Variants in B4GALNT3 observed in about 807,000 individuals in gnomAD.
B4GALNT3 encodes beta-1,4-N-acetylgalactosaminyltransferase 3.
B4GALNT3 carries 86 observed loss-of-function variants against 120.2 expected under a neutral mutation model. The observed-to-expected ratio is 0.72, with a 90% CI of 0.60 to 0.86. The LOEUF (loss-of-function observed/expected upper bound fraction) is 0.86, where lower values mean the gene tolerates loss of function less well. Ranked by LOEUF, B4GALNT3 falls within the 40% of genes least tolerant of loss-of-function variation. The pLI is 0.00. For missense variants in B4GALNT3, 1,167 were observed against 1,298.9 expected (o/e 0.90, Z 1.56); for synonymous variants, 518 against 510.4 (o/e 1.01, Z -0.20).
In B4GALNT3 at chr12:563,455, G is replaced by A. The variant is rs1947252556; in HGVS notation, c.*2004G>A. On this transcript the variant is annotated 3_prime_UTR_variant, in exon 20 of 20. Transcript: ENST00000266383. ...AGAAATGTCTTGGGTAGGAGAGGGT[G>A]TGGGATGGTGGGAGGGGAAGCATTA... The A allele has an allele frequency of 6.6e-6, 1 of 152,248 alleles. No homozygotes were observed. Among genetic ancestry groups the A allele is most frequent in the African/African-American group, 2.4e-5 (1 of 41,456 alleles). The allele number at this position is 152,248 out of a possible 1,614,324, so 9.4% of individuals were successfully genotyped here.
intron 1 of B4GALNT3, among the ~76,000 whole-genome samples, chr12:484,604 G>T (rs1946272920): frequency 6.6e-6 from 1 of 152,134 alleles, no homozygotes; most frequent in Non-Finnish European, 1.5e-5. Flanking sequence ...AGAGCCTCAG[G>T]TGTACACTTT....
rs1304424956 is a variant in B4GALNT3 at position 550,767 on chromosome 12, G to A, written c.998-155G>A. On this transcript the variant is annotated intron_variant, in intron 10 of 19. Coordinates refer to ENST00000266383, the MANE Select transcript of B4GALNT3 (RefSeq NM_173593.4). This position sits in a 1 kb window ranked among gnomAD's most constrained non-coding sequence, Gnocchi z 4.1. ...CCTCAAATGGCCCTGCTCCAGGTGC[G>A]TGGGGCAGCCTCCAGCTGGCAGCCT... Among the ~76,000 whole-genome samples, 3 of 152,150 alleles carry A rather than the reference G, an allele frequency of 2.0e-5. No individual in the cohort carries two copies. The highest frequency in any genetic ancestry group is 1.9e-4 in the East Asian group (1 of 5,184).
intron 3 of B4GALNT3, chr12:543,040 C>G: frequency 8.5e-7 from 1 of 1,176,568 alleles, no homozygotes. Context: ...CTCCTAGTTC[C>G]CTGTCCTCTC....
At chr12:551,810 G>A (rs1301801597) in intron 11 of B4GALNT3, among the ~76,000 whole-genome samples, 4 of 152,098 alleles carry the variant, frequency 2.6e-5, no homozygotes, top group East Asian at 1.9e-4. Context: ...GAGGGGAGAT[G>A]TGGACCAGGG....
rs200361013 is a variant in B4GALNT3, at chr12:548,123, G to A, written c.786+21G>A. 1.1e-4 allele frequency: 175 copies of A among 1,612,312 alleles called. No homozygotes were observed. In the African/African-American group the frequency reaches 1.7e-3, roughly 15 times the overall value. On this transcript the variant is annotated intron_variant, in intron 8 of 19. Coordinates refer to ENST00000266383, the MANE Select transcript of B4GALNT3 (RefSeq NM_173593.4). This position sits in a 1 kb window ranked among gnomAD's most constrained non-coding sequence, Gnocchi z 4.9. ...TTGCAGTGAGTTTCCTGCTGCTCCC[G>A]CCTCTCCCAGCTCAGTTCCTGGCAC...
At chr12:511,297 TCCAC>T (rs773983198) in intron 1 of B4GALNT3, among the ~76,000 whole-genome samples, 1 of 60,518 alleles carries the variant, frequency 1.7e-5, no homozygotes, top group Non-Finnish European at 2.9e-5. Context: ...CCTTCGACCT[TCCAC>T]CTTCCACCTT....
intron 3 of B4GALNT3, 87 bp downstream of exon 3, chr12:536,382 A>G: frequency 2.7e-6 from 3 of 1,105,428 alleles, no homozygotes; most frequent in Non-Finnish European, 4.1e-6. Flanking sequence ...AAAACTTTCT[A>G]CTAGGGACCT....
intron 1 of B4GALNT3, among the ~76,000 whole-genome samples, chr12:494,109 A>G (rs1946368158): frequency 6.6e-6 from 1 of 152,010 alleles, no homozygotes; most frequent in South Asian, 2.1e-4. Flanking sequence ...ATCTCTACAA[A>G]AAATACAAAA....
intron 6 of B4GALNT3, among the ~76,000 whole-genome samples, chr12:545,970 A>G (rs1220447644): frequency 2.5e-5 from 1 of 40,440 alleles, no homozygotes; most frequent in Non-Finnish European, 4.6e-5. Flanking sequence ...TGGGGAGGTG[A>G]GAGGAGTGGG....
chr12:462,977 G>A (rs1368081870), intron 1 of B4GALNT3, among the ~76,000 whole-genome samples: 3 of 152,128 alleles, frequency 2.0e-5, no homozygotes. Flanking sequence ...CCACACTCTT[G>A]GATACCAACA....
chr12:541,150 G>A (rs1170955887), intron 3 of B4GALNT3, among the ~76,000 whole-genome samples: 1 of 152,260 alleles, frequency 6.6e-6, no homozygotes, highest in African/African-American at 2.4e-5. Flanking sequence ...AGATCCAGTT[G>A]GAGGCTCTGC....
chr12:465,566 G>A (rs1484767789), intron 1 of B4GALNT3, among the ~76,000 whole-genome samples: 3 of 151,664 alleles, frequency 2.0e-5, no homozygotes, highest in African/African-American at 7.3e-5. Flanking sequence ...TTGCCTATAC[G>A]AGGAATGCAG....
intron 1 of B4GALNT3, among the ~76,000 whole-genome samples, chr12:485,111 G>A (rs972680815): frequency 1.9e-4 from 29 of 152,184 alleles, no homozygotes; most frequent in African/African-American, 5.8e-4. Flanking sequence ...GGAGGAAGAC[G>A]TGGTGTTGGA....
At chr12:554,079 C>T (rs1289137538) in intron 14 of B4GALNT3, 96 bp downstream of exon 14, 3 of 838,440 alleles carry the variant, frequency 3.6e-6, no homozygotes, top group African/African-American at 1.7e-5. Flanking sequence ...TGGGTTCCCC[C>T]AGCCGCGGAA....
At chr12:514,596 G>A (rs1045289584) in intron 1 of B4GALNT3, among the ~76,000 whole-genome samples, 1 of 152,186 alleles carries the variant, frequency 6.6e-6, no homozygotes, top group Non-Finnish European at 1.5e-5. Context: ...ATGGTGGGGA[G>A]GCAGAGAAGG....
Position 556,679 on chromosome 12 carries a change from A to G in B4GALNT3, c.2193A>G (p.Ala731=), listed in dbSNP as rs1304814912. The part of the protein sequence containing the change: ...RVVRLSEYVS[A]RGWQGIDPAG... ...TGCGGCTCTCGGAGTATGTGTCTGCACGAGGCTGGCAGGGCATCGATCCAG... is the reference window on the plus strand; with the variant it reads ...TGCGGCTCTCGGAGTATGTGTCTGCGCGAGGCTGGCAGGGCATCGATCCAG... The change falls in exon 15 of 20, where the codon GCA becomes GCG. Residue 731 remains alanine (A), a synonymous_variant. Coordinates refer to ENST00000266383, the MANE Select transcript of B4GALNT3 (RefSeq NM_173593.4). 5 of 1,613,998 alleles carry G rather than the reference A, an allele frequency of 3.1e-6. No homozygotes were observed. Among genetic ancestry groups the G allele is most frequent in the Non-Finnish European group, 2.5e-6 (3 of 1,180,038 alleles).
chr12:460,922 A>G lies in B4GALNT3; in HGVS notation c.169+377A>G, dbSNP rs1946016461. Among the ~76,000 whole-genome samples, 1 of 151,998 alleles carries G rather than the reference A, an allele frequency of 6.6e-6. No individual in the cohort carries two copies. Reference sequence around the variant, plus strand: ...CCCGGGGAGGAGGTCCGTGGGGTCCACGCGCGAGCTAGGGATTCGGGTGCG... The same window carrying G: ...CCCGGGGAGGAGGTCCGTGGGGTCCGCGCGCGAGCTAGGGATTCGGGTGCG... On this transcript the variant is annotated intron_variant, in intron 1 of 19. Transcript: ENST00000266383. This position sits in a 1 kb window ranked among gnomAD's most constrained non-coding sequence, Gnocchi z 8.0.
intron 1 of B4GALNT3, among the ~76,000 whole-genome samples, chr12:520,389 T>C (rs1448778254): frequency 6.6e-6 from 1 of 152,240 alleles, no homozygotes; most frequent in Admixed American, 6.5e-5. Context: ...AGATGAACTA[T>C]TTCAGACATT....
At position 561,364 on chromosome 12, in the gene B4GALNT3, C is replaced by T. The variant is rs774334939; in HGVS notation, c.2910C>T (p.Asp970=). Residue 970 remains aspartate, a synonymous_variant, in exon 20 of 20, where the codon GAC becomes GAT. Coordinates refer to ENST00000266383, the MANE Select transcript of B4GALNT3 (RefSeq NM_173593.4). ...LLDRILQAGL[D]VERLSLRNFF... ...CCAGGATACTCCAAGCGGGCCTGGA[C>T]GTGGAGCGTCTCTCCCTCAGGAATT... 2.1e-5 allele frequency: 34 copies of T among 1,613,800 alleles called. No homozygotes were observed. The highest frequency in any genetic ancestry group is 8.3e-5 in the Admixed American group (5 of 60,004).
Sources: allele counts gnomAD v4.1 joint callset (sites outside exome capture counted in the v4.1 genomes callset), GRCh38; gene constraint gnomAD v4.1.1; non-coding constraint Gnocchi (gnomAD v3.1); transcripts MANE v1.5; gene names NCBI Gene and HGNC (gene_info 2026-07-23, HGNC 2026-07-21).